DUSP16: variants seen among roughly 807,000 people sequenced by gnomAD.
DUSP16 encodes the protein dual specificity protein phosphatase 16.
Under a neutral mutation model 58.3 loss-of-function variants are expected in DUSP16, and 21 were observed. The observed-to-expected ratio is 0.36, with a 90% CI of 0.26 to 0.52. The LOEUF is 0.52. Ranked by LOEUF, DUSP16 falls within the 20% of genes least tolerant of loss-of-function variation. DUSP16 has a pLI of 0.94. For missense variants in DUSP16, 726 were observed against 819.0 expected, an observed-to-expected ratio of 0.89 and a Z score of 1.39; for synonymous variants, 320 against 323.8, an observed-to-expected ratio of 0.99 and a Z score of 0.12.
At position 12,479,098 on chromosome 12, in the gene DUSP16, TA is replaced by T. The variant is rs35305281; in HGVS notation, c.816-1084del. Among the ~76,000 whole-genome samples the T allele has an allele frequency of 1.1e-4, 16 of 151,792 alleles. 1 individual carries two copies. The highest frequency in any genetic ancestry group is 3.4e-4 in the African/African-American group (14 of 41,292). On this transcript the variant is annotated intron_variant, in intron 6 of 6. Coordinates refer to ENST00000298573, the MANE Select transcript of DUSP16 (RefSeq NM_030640.3). ...GGGTCCATTTTTGTAACCACTATGT[TA>T]AAAAAAAGATTCATCAAAGGATCAA...
At chr12:12,550,361 T>G (rs1944707700) in intron 1 of DUSP16, among the ~76,000 whole-genome samples, 2 of 152,084 alleles carry the variant, frequency 1.3e-5, no homozygotes, top group East Asian at 3.8e-4. Context: ...CAAAGTGTGA[T>G]CCAGAGATGA....
At chr12:12,500,985 GT>G (rs200853531) in intron 3 of DUSP16, among the ~76,000 whole-genome samples, 2 of 151,164 alleles carry the variant, frequency 1.3e-5, no homozygotes, top group Non-Finnish European at 3.0e-5. Flanking sequence ...CCATGCAAAT[GT>G]TTTTTTTTGT....
rs867347555 is a variant in DUSP16 at position 12,551,006 on chromosome 12, T to C, written c.-366+11111A>G. 6.6e-5 allele frequency among the ~76,000 whole-genome samples: 10 copies of C among 152,228 alleles called. No homozygotes were observed. In the Middle Eastern group the frequency reaches 0.014, roughly 207 times the overall value. On this transcript the variant is annotated intron_variant, in intron 1 of 6. Transcript: ENST00000298573. ...CTTTTTCATATTCTGTATGATGAAATAGGAAGCACACATAAAGCATTTCTG... is the reference window on the plus strand; with the variant it reads ...CTTTTTCATATTCTGTATGATGAAACAGGAAGCACACATAAAGCATTTCTG...
rs370518275 is a variant in DUSP16, at chr12:12,487,096, C to T, written c.623G>A (p.Arg208His). 1.5e-5 allele frequency: 25 copies of T among 1,614,042 alleles called. No homozygotes were observed. Among genetic ancestry groups the T allele is most frequent in the South Asian group, 5.5e-5 (5 of 91,088 alleles). The change falls in exon 5 of 7, where the codon CGT becomes CAT. Residue 208 changes from arginine (R) to histidine (H), a missense_variant. Coordinates refer to ENST00000298573, the MANE Select transcript of DUSP16 (RefSeq NM_030640.3). ...PDFIPESHFL[R>H]VPVNDSFCEK... ...ACAAAAGCTGTCATTCACAGGCACACGCAGGAAATGAGACTCGGGGATAAA... is the reference window on the plus strand; with the variant it reads ...ACAAAAGCTGTCATTCACAGGCACATGCAGGAAATGAGACTCGGGGATAAA...
At chr12:12,544,444 G>A (rs1009348134) in intron 1 of DUSP16, among the ~76,000 whole-genome samples, 18 of 152,098 alleles carry the variant, frequency 1.2e-4, no homozygotes, top group African/African-American at 4.1e-4. Flanking sequence ...CTTTTGGTGA[G>A]CATAAGTACA....
At chr12:12,555,931 T>C (rs930123071) in intron 1 of DUSP16, among the ~76,000 whole-genome samples, 3 of 152,050 alleles carry the variant, frequency 2.0e-5, no homozygotes, top group African/African-American at 7.2e-5. Flanking sequence ...GTCCTAGCTA[T>C]TTGGGAGGCT....
chr12:12,517,941 G>A (rs1179297407), intron 3 of DUSP16, among the ~76,000 whole-genome samples: 2 of 152,196 alleles, frequency 1.3e-5, no homozygotes, highest in Non-Finnish European at 2.9e-5. Flanking sequence ...AGGCAGTCCT[G>A]TTTCTTCCTT....
At chr12:12,484,400 T>C (rs1409542157) in intron 5 of DUSP16, among the ~76,000 whole-genome samples, 2 of 152,206 alleles carry the variant, frequency 1.3e-5, no homozygotes, top group African/African-American at 4.8e-5. Context: ...GACCCCAATA[T>C]CTTCCATGAA....
At chr12:12,553,626 T>G (rs1264141198) in intron 1 of DUSP16, among the ~76,000 whole-genome samples, 1 of 152,146 alleles carries the variant, frequency 6.6e-6, no homozygotes, top group Non-Finnish European at 1.5e-5. Flanking sequence ...TACTGCAGCC[T>G]TGACCTGCCA....
chr12:12,490,587 C>T (rs1381730848), intron 4 of DUSP16, among the ~76,000 whole-genome samples: 1 of 152,146 alleles, frequency 6.6e-6, no homozygotes, highest in Non-Finnish European at 1.5e-5. Context: ...AATAAACATG[C>T]ATGAATACAC....
intron 1 of DUSP16, among the ~76,000 whole-genome samples, chr12:12,543,626 T>C (rs1944597209): frequency 6.6e-6 from 1 of 152,114 alleles, no homozygotes; most frequent in South Asian, 2.1e-4. Context: ...GAGTGATAAA[T>C]TGGCTAAATA....
intron 5 of DUSP16, among the ~76,000 whole-genome samples, chr12:12,485,786 C>CTTTT (rs749939375): frequency 9.3e-5 from 10 of 107,700 alleles, no homozygotes; most frequent in South Asian, 3.0e-4. Flanking sequence ...GCCAATTCCA[C>CTTTT]TTTTTTTTTT....
At position 12,474,722 on chromosome 12, in the gene DUSP16, G is replaced by C. The variant is rs1195825523; in HGVS notation, c.*2111C>G. 7.9e-5 allele frequency: 12 copies of C among 152,176 alleles called. No individual in the cohort carries two copies. Among genetic ancestry groups the C allele is most frequent in the Non-Finnish European group, 1.8e-4 (12 of 68,046 alleles). 9.4% of individuals were successfully genotyped at this position (152,176 alleles called of 1,614,324 possible). On this transcript the variant is annotated 3_prime_UTR_variant, in exon 7 of 7. Transcript: ENST00000298573. ...AATGACAGAAGCTCATTAAAACCAA[G>C]TCCCCCAAACCTCCTGAAACATCGT...
intron 5 of DUSP16, among the ~76,000 whole-genome samples, chr12:12,485,905 TGCCTCA>T (rs1943674422): frequency 6.7e-6 from 1 of 149,394 alleles, no homozygotes; most frequent in Non-Finnish European, 1.5e-5. Context: ...GCCATTCTCC[TGCCTCA>T]GCCTCCCGAG....
At chr12:12,555,939 G>A (rs781129358) in intron 1 of DUSP16, among the ~76,000 whole-genome samples, 7 of 152,192 alleles carry the variant, frequency 4.6e-5, no homozygotes, top group South Asian at 2.1e-4. Flanking sequence ...TATTTGGGAG[G>A]CTGAGGTGGG....
At chr12:12,531,420 T>C (rs1171547891) in intron 1 of DUSP16, among the ~76,000 whole-genome samples, 1 of 152,256 alleles carries the variant, frequency 6.6e-6, no homozygotes, top group Non-Finnish European at 1.5e-5. Context: ...AAGTGACTTA[T>C]GGCTGGGCAT....
chr12:12,521,756 T>C (rs907249726), intron 1 of DUSP16, among the ~76,000 whole-genome samples: 1 of 152,190 alleles, frequency 6.6e-6, no homozygotes, highest in African/African-American at 2.4e-5. Flanking sequence ...CCTGTAGTAT[T>C]GAATTAAAAG....
intron 5 of DUSP16, among the ~76,000 whole-genome samples, chr12:12,483,701 A>G (rs758668228): frequency 3.3e-5 from 5 of 152,150 alleles, no homozygotes; most frequent in Admixed American, 6.5e-5. Context: ...ATATGTAGCC[A>G]GCTGGGTTTG....
intron 3 of DUSP16, among the ~76,000 whole-genome samples, chr12:12,504,479 C>T (rs1943956082): frequency 6.6e-6 from 1 of 151,990 alleles, no homozygotes; most frequent in Non-Finnish European, 1.5e-5. Flanking sequence ...CCAGGCTGGT[C>T]TCAAACTCCT....
Sources: gnomAD v4.1 joint callset for allele counts (sites outside exome capture counted in the v4.1 genomes callset) on GRCh38, gnomAD v4.1.1 for gene constraint, MANE v1.5 for transcripts, NCBI Gene and HGNC (gene_info 2026-07-23, HGNC 2026-07-21) for gene names.